TOGARAM2: variants seen among roughly 807,000 people sequenced by gnomAD.
TOGARAM2 encodes the protein TOG array regulator of axonemal microtubules 2.
A neutral mutation model predicts 93.3 loss-of-function variants in TOGARAM2; 85 were observed. That is an observed-to-expected ratio of 0.91 (90% CI 0.76 to 1.09). TOGARAM2 has a LOEUF of 1.09. Ranked by LOEUF, TOGARAM2 falls within the 50% of genes least tolerant of loss-of-function variation. The pLI is 0.00. For missense variants in TOGARAM2, 1,277 were observed against 1,334.5 expected, an observed-to-expected ratio of 0.96 and a Z score of 0.67; for synonymous variants, 593 against 552.8, an observed-to-expected ratio of 1.07 and a Z score of -1.02.
chr2:29,002,000 T>C (rs1001335457), intron 4 of TOGARAM2, among the ~76,000 whole-genome samples: 1 of 152,074 alleles, frequency 6.6e-6, no homozygotes, highest in East Asian at 1.9e-4. Flanking sequence ...GCTGAAGATG[T>C]CTGTTGGGCA....
chr2:28,957,580 GCTCTT>G (rs1288222461), intron 1 of TOGARAM2, among the ~76,000 whole-genome samples: 1 of 152,168 alleles, frequency 6.6e-6, no homozygotes, highest in African/African-American at 2.4e-5. Context: ...GGAAATTGTG[GCTCTT>G]CTCCCTCTGG....
intron 1 of TOGARAM2, among the ~76,000 whole-genome samples, chr2:28,973,426 C>CCCTTCCTTCTCTTCCCTTT (rs1671979576): frequency 8.5e-6 from 1 of 117,508 alleles, no homozygotes; most frequent in Non-Finnish European, 1.7e-5. Flanking sequence ...CTTCTTTCCT[C>CCCTTCCTTCTCTTCCCTTT]CCTTCCTTCC....
intron 19 of TOGARAM2, chr2:29,049,432 C>T (rs7563576): frequency 0.38 from 57,801 of 152,152 alleles, 11,530 homozygotes; most frequent in Admixed American, 0.44. Flanking sequence ...GGTATAAACA[C>T]GGGCATAGAA....
intron 2 of TOGARAM2, 94 bp downstream of exon 2, chr2:28,994,956 G>T (rs1672922292): frequency 6.9e-7 from 1 of 1,449,476 alleles, no homozygotes; most frequent in East Asian, 2.5e-5. Flanking sequence ...GGAGATGTGG[G>T]GATAAAGGGC....
rs548991698 is a variant in TOGARAM2, at chr2:29,036,275, A to C, written c.2419-266A>C. 3.9e-5 allele frequency among the ~76,000 whole-genome samples: 6 copies of C among 152,232 alleles called. No homozygotes were observed. In the South Asian group the frequency reaches 1.2e-3, roughly 32 times the overall value. On this transcript the variant is annotated intron_variant, in intron 17 of 19. Coordinates refer to ENST00000379558, the MANE Select transcript of TOGARAM2 (RefSeq NM_199280.4). ...GCTCCATGGGTTGTTAAGATCATTC[A>C]GTAAAAATGATTGCACAGCAACTAA...
intron 1 of TOGARAM2, among the ~76,000 whole-genome samples, chr2:28,987,799 T>C (rs573865576): frequency 6.6e-6 from 1 of 152,312 alleles, no homozygotes; most frequent in Non-Finnish European, 1.5e-5. Context: ...GCAGTGGTGG[T>C]AGACCCAGAG....
intron 1 of TOGARAM2, among the ~76,000 whole-genome samples, chr2:28,991,603 C>A (rs780164539): frequency 6.6e-6 from 1 of 152,158 alleles, no homozygotes; most frequent in African/African-American, 2.4e-5. Flanking sequence ...GCTGTGGGAG[C>A]GGCAGCCCCA....
chr2:28,959,939 GC>G (rs746878789), intron 1 of TOGARAM2, among the ~76,000 whole-genome samples: 7 of 152,196 alleles, frequency 4.6e-5, no homozygotes, highest in Non-Finnish European at 7.3e-5. Context: ...ACACATGTGG[GC>G]TATCTTATGT....
intron 1 of TOGARAM2, among the ~76,000 whole-genome samples, chr2:28,984,905 T>C (rs1305807852): frequency 6.6e-6 from 1 of 152,142 alleles, no homozygotes; most frequent in South Asian, 2.1e-4. Flanking sequence ...GATGGGAAGC[T>C]GGAAAAGGAA....
chr2:29,011,009 C>A (rs1426393549), intron 6 of TOGARAM2, among the ~76,000 whole-genome samples: 2 of 152,044 alleles, frequency 1.3e-5, no homozygotes, highest in Non-Finnish European at 2.9e-5. Flanking sequence ...ACGAGTGGGA[C>A]TATTTAGGGG....
At chr2:29,035,695 C>T in intron 17 of TOGARAM2, 39 bp downstream of exon 17, 3 of 1,321,002 alleles carry the variant, frequency 2.3e-6, no homozygotes, top group Middle Eastern at 2.0e-4. Flanking sequence ...CCTGTCTCTC[C>T]TCTGGGGGGT....
chr2:28,990,928 G>A (rs1020313181), intron 1 of TOGARAM2, among the ~76,000 whole-genome samples: 4 of 151,250 alleles, frequency 2.6e-5, no homozygotes, highest in East Asian at 2.0e-4. Flanking sequence ...ATGGAGGGCC[G>A]GCCTGTCATA....
intron 1 of TOGARAM2, among the ~76,000 whole-genome samples, chr2:28,958,298 G>GTT (rs1271150493): frequency 7.2e-6 from 1 of 138,692 alleles, no homozygotes; most frequent in African/African-American, 2.6e-5. Flanking sequence ...ACTAGACCTT[G>GTT]TTTTTTTTTT....
intron 19 of TOGARAM2, chr2:29,051,168 G>A (rs1386983103): frequency 2.0e-5 from 3 of 152,196 alleles, no homozygotes; most frequent in Admixed American, 1.3e-4. Flanking sequence ...GTTTTTCTCT[G>A]TATTTGTGTG....
intron 4 of TOGARAM2, among the ~76,000 whole-genome samples, chr2:28,999,798 T>C (rs1673190682): frequency 6.6e-6 from 1 of 152,252 alleles, no homozygotes; most frequent in Non-Finnish European, 1.5e-5. Context: ...TTGGATGTGC[T>C]TAGACTAAGA....
At chr2:28,961,849 T>A (rs1337802380) in intron 1 of TOGARAM2, among the ~76,000 whole-genome samples, 2 of 152,228 alleles carry the variant, frequency 1.3e-5, no homozygotes, top group African/African-American at 4.8e-5. Flanking sequence ...TCTATCATTA[T>A]GGAATAAGTG....
At chr2:29,008,782 T>A (rs1256257679) in intron 6 of TOGARAM2, among the ~76,000 whole-genome samples, 1 of 152,254 alleles carries the variant, frequency 6.6e-6, no homozygotes, top group Non-Finnish European at 1.5e-5. Flanking sequence ...AACCTCATTC[T>A]GTTCTTTAAC....
chr2:29,025,233 C>T (rs1665275148), intron 13 of TOGARAM2, among the ~76,000 whole-genome samples: 1 of 152,136 alleles, frequency 6.6e-6, no homozygotes, highest in African/African-American at 2.4e-5. Flanking sequence ...TCAGTTGACT[C>T]ATCTGTAAAA....
chr2:28,961,487 G>C (rs966005404), intron 1 of TOGARAM2, among the ~76,000 whole-genome samples: 1 of 151,670 alleles, frequency 6.6e-6, no homozygotes, highest in Middle Eastern at 3.4e-3. Context: ...GATTATAGGC[G>C]CCCGCCACCA....
Sources: gnomAD v4.1 joint callset for allele counts (sites outside exome capture counted in the v4.1 genomes callset) on GRCh38, gnomAD v4.1.1 for gene constraint, MANE v1.5 for transcripts, NCBI Gene and HGNC (gene_info 2026-07-23, HGNC 2026-07-21) for gene names.